EPS15: variants seen among roughly 807,000 people sequenced by gnomAD.
The protein encoded by EPS15 is epidermal growth factor receptor pathway substrate 15.
In EPS15, 72 loss-of-function variants were observed where a neutral mutation model predicts 113.8. The observed-to-expected ratio is 0.63, with a 90% CI of 0.52 to 0.77. The LOEUF (loss-of-function observed/expected upper bound fraction) is 0.77, where lower values mean the gene tolerates loss of function less well. Among genes scored for constraint, EPS15 ranks in the 30% least tolerant of loss-of-function variants. The pLI is 0.00. For missense variants in EPS15, 1,048 were observed against 1,045.8 expected (o/e 1.00, Z -0.03); for synonymous variants, 344 against 363.4 (o/e 0.95, Z 0.61).
At chr1:51,489,816 G>A (rs1207582705) in intron 1 of EPS15, among the ~76,000 whole-genome samples, 2 of 152,092 alleles carry the variant, frequency 1.3e-5, no homozygotes, top group Admixed American at 6.5e-5. Flanking sequence ...TTTCTGACAG[G>A]TCTTACTGTT....
At chr1:51,516,134 T>C (rs1644712059) in intron 1 of EPS15, among the ~76,000 whole-genome samples, 1 of 152,060 alleles carries the variant, frequency 6.6e-6, no homozygotes, top group African/African-American at 2.4e-5. Context: ...GACAACTGAA[T>C]TAGAAAACAT....
rs12085587 is a variant in EPS15, at chr1:51,369,544, A to C, written c.2120-3515T>G. On this transcript the variant is annotated intron_variant, in intron 21 of 24. Coordinates refer to ENST00000371733, the MANE Select transcript of EPS15 (RefSeq NM_001981.3). ...ATGAATGCTTTGGAAAAATATATAAAAGTATAATTTAAAAATCATCCCTAA... is the reference window on the plus strand; with the variant it reads ...ATGAATGCTTTGGAAAAATATATAACAGTATAATTTAAAAATCATCCCTAA... Among the ~76,000 whole-genome samples, 1,197 of 152,310 alleles carry C rather than the reference A, an allele frequency of 7.9e-3. 19 individuals are homozygous for C. Among genetic ancestry groups the C allele is most frequent in the African/African-American group, 0.028 (1,159 of 41,558 alleles).
intron 1 of EPS15, among the ~76,000 whole-genome samples, chr1:51,509,414 C>G (rs1442821459): frequency 2.0e-5 from 3 of 151,942 alleles, no homozygotes; most frequent in Non-Finnish European, 4.4e-5. Context: ...ATCAATTTAC[C>G]TAAGACATTC....
intron 4 of EPS15, among the ~76,000 whole-genome samples, chr1:51,471,192 A>G (rs1298455004): frequency 1.3e-5 from 2 of 152,176 alleles, no homozygotes; most frequent in Admixed American, 1.3e-4. Context: ...TTCAGAGTAC[A>G]CTGATGGTGT....
At chr1:51,393,764 A>C (rs1010355911) in intron 21 of EPS15, among the ~76,000 whole-genome samples, 1 of 152,204 alleles carries the variant, frequency 6.6e-6, no homozygotes, top group African/African-American at 2.4e-5. Context: ...ACTTTGTTGA[A>C]AAAGCTTTTT....
At position 51,511,420 on chromosome 1, in the gene EPS15, CA is replaced by C. The variant is rs1247881095; in HGVS notation, c.33+7778del. ...CTGAGGCACGAGAATTGCTTGAACC[CA>C]GGGGTGGAGGTTGCAGTGAGCCAAG... On this transcript the variant is annotated intron_variant, in intron 1 of 24. Coordinates refer to ENST00000371733, the MANE Select transcript of EPS15 (RefSeq NM_001981.3). Among the ~76,000 whole-genome samples the C allele has an allele frequency of 8.8e-5, 13 of 148,366 alleles. No individual in the cohort carries two copies. In the East Asian group the frequency reaches 2.5e-3, roughly 29 times the overall value.
At chr1:51,377,773 C>T (rs749348235) in intron 21 of EPS15, among the ~76,000 whole-genome samples, 4 of 152,086 alleles carry the variant, frequency 2.6e-5, no homozygotes, top group Non-Finnish European at 5.9e-5. Flanking sequence ...TTTAAGAAAT[C>T]GCCACAGGCA....
At chr1:51,507,420 T>G (rs998902373) in intron 1 of EPS15, among the ~76,000 whole-genome samples, 2 of 152,136 alleles carry the variant, frequency 1.3e-5, no homozygotes, top group African/African-American at 4.8e-5. Flanking sequence ...CCCAGCACTT[T>G]GGGAGGCTGA....
At chr1:51,449,723 G>A (rs1364512991) in intron 8 of EPS15, among the ~76,000 whole-genome samples, 1 of 151,740 alleles carries the variant, frequency 6.6e-6, no homozygotes, top group African/African-American at 2.4e-5. Context: ...CAAGAATTTG[G>A]GGGCTAGGGT....
chr1:51,451,241 C>T (rs1005696528), intron 8 of EPS15, among the ~76,000 whole-genome samples: 3 of 151,694 alleles, frequency 2.0e-5, no homozygotes, highest in African/African-American at 7.3e-5. Flanking sequence ...GTAATCCTAG[C>T]ACTTTGGGAG....
intron 1 of EPS15, among the ~76,000 whole-genome samples, chr1:51,499,646 T>C (rs1326835834): frequency 6.6e-6 from 1 of 151,880 alleles, no homozygotes; most frequent in Non-Finnish European, 1.5e-5. Flanking sequence ...CTAATGGGTA[T>C]GAAATGGCTT....
Position 51,408,307 on chromosome 1 carries a change from GTTAA to G in EPS15, c.1297_1300del (p.Thr434ValfsTer20). The G allele has an allele frequency of 6.2e-7, 1 of 1,612,578 alleles. No individual in the cohort carries two copies. Among genetic ancestry groups the G allele is most frequent in the Non-Finnish European group, 8.5e-7 (1 of 1,178,814 alleles). ...AGTGGAGATCTGCGATTCCTGACTA[GTTAA>G]TTCAGCTTTCAGAGAAGAGATCTAT... On this transcript the variant is annotated frameshift_variant, in exon 15 of 25. Coordinates refer to ENST00000371733, the MANE Select transcript of EPS15 (RefSeq NM_001981.3). LOFTEE classifies it high-confidence loss of function.
intron 8 of EPS15, among the ~76,000 whole-genome samples, chr1:51,453,985 G>A (rs1238609399): frequency 6.6e-6 from 1 of 150,800 alleles, no homozygotes; most frequent in Non-Finnish European, 1.5e-5. Context: ...AGCAGGTGGA[G>A]GCTGCAGTGA....
intron 4 of EPS15, among the ~76,000 whole-genome samples, chr1:51,470,441 T>TC (rs1212913452): frequency 2.0e-5 from 3 of 151,784 alleles, no homozygotes; most frequent in Admixed American, 2.0e-4. Flanking sequence ...GGTCAGGAGT[T>TC]CAAGACCAGC....
intron 21 of EPS15, among the ~76,000 whole-genome samples, chr1:51,369,158 TGAA>T (rs1646582939): frequency 1.3e-5 from 2 of 152,342 alleles, no homozygotes; most frequent in East Asian, 1.9e-4. Context: ...CACTTCTATA[TGAA>T]GAATATATAG....
At chr1:51,386,144 C>T (rs1003540418) in intron 21 of EPS15, among the ~76,000 whole-genome samples, 1 of 152,192 alleles carries the variant, frequency 6.6e-6, no homozygotes, top group African/African-American at 2.4e-5. Flanking sequence ...GAGCAGCTGG[C>T]TCATTTTTTC....
intron 22 of EPS15, among the ~76,000 whole-genome samples, chr1:51,364,668 A>C (rs962032265): frequency 1.3e-5 from 2 of 150,912 alleles, no homozygotes; most frequent in Non-Finnish European, 3.0e-5. Context: ...TTATTTTTTT[A>C]ATTTTTATTT....
intron 12 of EPS15, among the ~76,000 whole-genome samples, chr1:51,437,113 T>C (rs1268408856): frequency 6.6e-6 from 1 of 152,106 alleles, no homozygotes; most frequent in Non-Finnish European, 1.5e-5. Flanking sequence ...TACCTAAAGG[T>C]ATCTCGCACT....
intron 6 of EPS15, 57 bp downstream of exon 6, chr1:51,465,204 G>C: frequency 9.5e-7 from 1 of 1,055,098 alleles, no homozygotes; most frequent in Non-Finnish European, 1.5e-6. Context: ...CAGAGGTAGA[G>C]AGAGAGTAGA....
Sources: gnomAD v4.1 joint callset for allele counts (sites outside exome capture counted in the v4.1 genomes callset) on GRCh38, gnomAD v4.1.1 for gene constraint, MANE v1.5 for transcripts, NCBI Gene and HGNC (gene_info 2026-07-23, HGNC 2026-07-21) for gene names.